BMPR1B: variants seen among roughly 807,000 people sequenced by gnomAD.
The protein encoded by BMPR1B is bone morphogenetic protein receptor type 1B, also known as bone morphogenetic protein receptor type-1B.
In BMPR1B, 12 loss-of-function variants were observed where a neutral mutation model predicts 59.1. The observed-to-expected ratio is 0.20, with a 90% CI of 0.13 to 0.33. The LOEUF (loss-of-function observed/expected upper bound fraction) is 0.33, where lower values mean the gene tolerates loss of function less well. Among genes scored for constraint, BMPR1B ranks in the 10% least tolerant of loss-of-function variants. The pLI is 1.00. For synonymous variants in BMPR1B, 237 were observed against 207.3 expected (o/e 1.14, Z -1.23); for missense variants, 550 against 610.9 (o/e 0.90, Z 1.05).
chr4:94,926,061 CCCAATCCCT>C (rs1728876614), intron 2 of BMPR1B, among the ~76,000 whole-genome samples: 1 of 89,736 alleles, frequency 1.1e-5, no homozygotes, highest in African/African-American at 4.9e-5. Flanking sequence ...CTCCCTCCCC[CCCAATCCCT>C]CCCGTCTCCC....
intron 3 of BMPR1B, among the ~76,000 whole-genome samples, chr4:95,011,534 G>A (rs562899296): frequency 6.6e-6 from 1 of 152,306 alleles, no homozygotes; most frequent in Non-Finnish European, 1.5e-5. Context: ...CTAGGCAGCA[G>A]GAAAGAAGTG....
In BMPR1B at chr4:95,157,202, T is replaced by C. The variant is rs1013887173; in HGVS notation, c.*2529T>C. The C allele has an allele frequency of 1.2e-4, 18 of 152,162 alleles. No homozygotes were observed. The highest frequency in any genetic ancestry group is 2.0e-4 in the Admixed American group (3 of 15,280). The allele number at this position is 152,162 out of a possible 1,614,324, so 9.4% of individuals were successfully genotyped here. Reference sequence around the variant, plus strand: ...TTGGTCCTATCCTCAATCTAATTTATTCACTATTAATATTTTAAAAACATT... The same window carrying C: ...TTGGTCCTATCCTCAATCTAATTTACTCACTATTAATATTTTAAAAACATT... On this transcript the variant is annotated 3_prime_UTR_variant, in exon 13 of 13. Coordinates refer to ENST00000515059, the MANE Select transcript of BMPR1B (RefSeq NM_001203.3).
At chr4:95,061,200 CA>C (rs1560624838) in intron 3 of BMPR1B, among the ~76,000 whole-genome samples, 12 of 141,854 alleles carry the variant, frequency 8.5e-5, no homozygotes, top group African/African-American at 3.1e-4. Flanking sequence ...CACACACACA[CA>C]CACACACACC....
intron 2 of BMPR1B, among the ~76,000 whole-genome samples, chr4:94,920,482 T>C (rs921141478): frequency 2.2e-4 from 34 of 152,298 alleles, no homozygotes; most frequent in African/African-American, 7.2e-4. Flanking sequence ...GCCGGCTACA[T>C]TGGCTTTTTG....
At chr4:94,782,115 C>T (rs1242888794) in intron 1 of BMPR1B, among the ~76,000 whole-genome samples, 4 of 151,304 alleles carry the variant, frequency 2.6e-5, no homozygotes, top group Non-Finnish European at 2.9e-5. Context: ...TTTTTGGTAG[C>T]CCCCTTACAT....
chr4:94,946,394 A>G (rs1361084551), intron 2 of BMPR1B, among the ~76,000 whole-genome samples: 2 of 152,208 alleles, frequency 1.3e-5, no homozygotes, highest in African/African-American at 2.4e-5. Context: ...AGCTTCTGTC[A>G]GTTTTACCAG....
At chr4:94,867,618 C>G (rs1015499078) in intron 1 of BMPR1B, among the ~76,000 whole-genome samples, 9 of 152,096 alleles carry the variant, frequency 5.9e-5, no homozygotes, top group African/African-American at 2.2e-4. Flanking sequence ...GTTTTGTGAG[C>G]TTTCTTCTCT....
chr4:94,970,109 T>A (rs540988269), intron 2 of BMPR1B, among the ~76,000 whole-genome samples: 11 of 152,326 alleles, frequency 7.2e-5, no homozygotes, highest in African/African-American at 2.4e-4. Context: ...AAAAGCTTTT[T>A]AAAGAATGTT....
intron 3 of BMPR1B, chr4:95,051,856 GT>G: frequency 7.3e-7 from 1 of 1,360,696 alleles, no homozygotes; most frequent in Non-Finnish European, 1.0e-6. Flanking sequence ...AGAAGGGAAA[GT>G]TCAGGCCAGA....
intron 3 of BMPR1B, among the ~76,000 whole-genome samples, chr4:95,065,251 A>G (rs1727710416): frequency 6.6e-6 from 1 of 152,192 alleles, no homozygotes; most frequent in South Asian, 2.1e-4. Flanking sequence ...TACAAAGACC[A>G]TAGGTTGTGT....
At chr4:95,006,245 T>G (rs1466600466) in intron 3 of BMPR1B, among the ~76,000 whole-genome samples, 1 of 150,560 alleles carries the variant, frequency 6.6e-6, no homozygotes, top group Non-Finnish European at 1.5e-5. Flanking sequence ...CACCAAAGTT[T>G]TAATAGTCAG....
At chr4:94,813,670 G>A (rs1723903952) in intron 1 of BMPR1B, among the ~76,000 whole-genome samples, 1 of 152,138 alleles carries the variant, frequency 6.6e-6, no homozygotes, top group Non-Finnish European at 1.5e-5. Context: ...AGGTTGAGCC[G>A]CTATGTTGAG....
At chr4:95,063,770 A>C (rs2149209035) in intron 3 of BMPR1B, among the ~76,000 whole-genome samples, 1 of 152,314 alleles carries the variant, frequency 6.6e-6, no homozygotes, top group Non-Finnish European at 1.5e-5. Context: ...ATAACTGGAA[A>C]GTATCTATTA....
At chr4:94,795,774 T>G (rs932434728) in intron 1 of BMPR1B, among the ~76,000 whole-genome samples, 1 of 152,124 alleles carries the variant, frequency 6.6e-6, no homozygotes, top group Non-Finnish European at 1.5e-5. Flanking sequence ...GGATTAATGT[T>G]TAAAAGAAGT....
At chr4:94,853,954 A>G (rs1192449640) in intron 1 of BMPR1B, among the ~76,000 whole-genome samples, 1 of 152,162 alleles carries the variant, frequency 6.6e-6, no homozygotes, top group African/African-American at 2.4e-5. Context: ...CATTCCAGTG[A>G]TTTTACAGCC....
chr4:95,001,972 G>C (rs910351771), intron 3 of BMPR1B, among the ~76,000 whole-genome samples: 2 of 152,092 alleles, frequency 1.3e-5, no homozygotes, highest in African/African-American at 4.8e-5. Flanking sequence ...TATTGTTGTT[G>C]TTGTTTTATA....
chr4:94,811,868 A>G (rs1396270560), intron 1 of BMPR1B, among the ~76,000 whole-genome samples: 5 of 152,244 alleles, frequency 3.3e-5, no homozygotes, highest in Non-Finnish European at 5.9e-5. Flanking sequence ...GTATTTCCAT[A>G]TAAACATAAT....
At chr4:94,950,020 T>A (rs1729869817) in intron 2 of BMPR1B, among the ~76,000 whole-genome samples, 2 of 152,228 alleles carry the variant, frequency 1.3e-5, no homozygotes, top group Non-Finnish European at 1.5e-5. Context: ...GTGGTTTTGA[T>A]TTGCATTTCT....
intron 3 of BMPR1B, among the ~76,000 whole-genome samples, chr4:95,059,018 ATGT>A (rs979453694): frequency 6.6e-6 from 1 of 152,196 alleles, no homozygotes; most frequent in African/African-American, 2.4e-5. Context: ...AAAAAAGTTA[ATGT>A]TGTAAGAATG....
Sources: gnomAD v4.1 joint callset for allele counts (sites outside exome capture counted in the v4.1 genomes callset) on GRCh38, gnomAD v4.1.1 for gene constraint, MANE v1.5 for transcripts, NCBI Gene and HGNC (gene_info 2026-07-23, HGNC 2026-07-21) for gene names.